Variants in OR8D1 observed in about 807,000 individuals in gnomAD.
OR8D1 encodes olfactory receptor 8D1.
For missense variants in OR8D1, 384 were observed against 366.8 expected (o/e 1.05, Z -0.38); for synonymous variants, 143 against 147.0 (o/e 0.97, Z 0.20).
Position 124,313,905 on chromosome 11 carries a change from A to G in OR8D1, c.-306T>C, listed in dbSNP as rs1420954153. The G allele has an allele frequency of 1.3e-5, 2 of 152,020 alleles. No individual in the cohort carries two copies. The highest frequency in any genetic ancestry group is 1.9e-4 in the East Asian group (1 of 5,182). 9.4% of individuals were successfully genotyped at this position (152,020 alleles called of 1,614,324 possible). On this transcript the variant is annotated 5_prime_UTR_variant, in exon 1 of 3. Coordinates refer to ENST00000641015, the MANE Select transcript of OR8D1 (RefSeq NM_001002917.2). ...CAAAATTTATTAAATAGTACAAACAACTCTTGGACCTTGAAGCAGATCATG... is the reference window on the plus strand; with the variant it reads ...CAAAATTTATTAAATAGTACAAACAGCTCTTGGACCTTGAAGCAGATCATG...
At position 124,309,653 on chromosome 11, in the gene OR8D1, T is replaced by A. The variant is rs538267116; in HGVS notation, c.*187A>T. The A allele has an allele frequency of 6.5e-5, 24 of 367,538 alleles. No individual in the cohort carries two copies. The highest frequency in any genetic ancestry group is 1.0e-4 in the Non-Finnish European group (21 of 207,430). The allele number at this position is 367,538 out of a possible 1,614,324, so 22.8% of individuals were successfully genotyped here. ...TAGTTTTCCTATCAAAAGATAAGAATGTTAATACCTGCTTTACACAATTCT... is the reference window on the plus strand; with the variant it reads ...TAGTTTTCCTATCAAAAGATAAGAAAGTTAATACCTGCTTTACACAATTCT... On this transcript the variant is annotated 3_prime_UTR_variant, in exon 3 of 3. Coordinates refer to ENST00000641015, the MANE Select transcript of OR8D1 (RefSeq NM_001002917.2).
rs534108015 is a variant in OR8D1 at position 124,309,156 on chromosome 11, G to A, written c.*684C>T. ...TAGATAGTGAAAACACATGGTCAGA[G>A]GTCCCTTAGTGTAGAACTGTGGTGT... On this transcript the variant is annotated 3_prime_UTR_variant, in exon 3 of 3. Transcript: ENST00000641015. 31 of 151,990 alleles carry A rather than the reference G, an allele frequency of 2.0e-4. No homozygotes were observed. The highest frequency in any genetic ancestry group is 7.2e-4 in the African/African-American group (30 of 41,492). 9.4% of individuals were successfully genotyped at this position (151,990 alleles called of 1,614,324 possible).
intron 2 of OR8D1, 109 bp from the exon 3 acceptor site, chr11:124,310,891 G>A (rs1363803103): frequency 1.5e-6 from 1 of 663,658 alleles, no homozygotes; most frequent in Non-Finnish European, 2.5e-6. Flanking sequence ...CTGAGTCATA[G>A]TTTTCATTGT....
Position 124,304,144 on chromosome 11 carries a change from C to A in OR8D1, c.*5696G>T, listed in dbSNP as rs974878458. 1 of 151,876 alleles carries A rather than the reference C, an allele frequency of 6.6e-6. No individual in the cohort carries two copies. 9.4% of individuals were successfully genotyped at this position (151,876 alleles called of 1,614,324 possible). On this transcript the variant is annotated 3_prime_UTR_variant, in exon 3 of 3. Coordinates refer to ENST00000641015, the MANE Select transcript of OR8D1 (RefSeq NM_001002917.2). Reference sequence around the variant, plus strand: ...AAAACATGTCAGTCTCTAATGTAGGCCATTGCTATCACCTGAGAAAGTTTT... The same window carrying A: ...AAAACATGTCAGTCTCTAATGTAGGACATTGCTATCACCTGAGAAAGTTTT...
chr11:124,313,128 C>G (rs76408377), intron 1 of OR8D1, among the ~76,000 whole-genome samples: 1 of 150,324 alleles, frequency 6.7e-6, no homozygotes, highest in Non-Finnish European at 1.5e-5. Flanking sequence ...GAGCCAAGAT[C>G]GTGACACTGC....
rs897772106 is a variant in OR8D1 at position 124,307,010 on chromosome 11, C to A, written c.*2830G>T. ...GGTTATCCTTGCCTATGAAATTCTA[C>A]CTCTACTAATAGAGACCTACAGGGA... On this transcript the variant is annotated 3_prime_UTR_variant, in exon 3 of 3. Coordinates refer to ENST00000641015, the MANE Select transcript of OR8D1 (RefSeq NM_001002917.2). The A allele has an allele frequency of 6.6e-6, 1 of 152,044 alleles. No individual in the cohort carries two copies. Among genetic ancestry groups the A allele is most frequent in the African/African-American group, 2.4e-5 (1 of 41,426 alleles). The allele number at this position is 152,044 out of a possible 1,614,324, so 9.4% of individuals were successfully genotyped here.
rs904946866 is a variant in OR8D1 at position 124,305,985 on chromosome 11, T to G, written c.*3855A>C. On this transcript the variant is annotated 3_prime_UTR_variant, in exon 3 of 3. Coordinates refer to ENST00000641015, the MANE Select transcript of OR8D1 (RefSeq NM_001002917.2). ...TGCCAGTACTATTTCACAAAATTAT[T>G]TTAATGATACCATATTTATTCTACT... 3.9e-5 allele frequency: 6 copies of G among 151,954 alleles called. No homozygotes were observed. The highest frequency in any genetic ancestry group is 8.8e-5 in the Non-Finnish European group (6 of 67,884). 9.4% of individuals were successfully genotyped at this position (151,954 alleles called of 1,614,324 possible).
Position 124,310,104 on chromosome 11 carries a change from G to T in OR8D1, c.663C>A (p.Ile221=), listed in dbSNP as rs1335727903. The change falls in exon 3 of 3, where the codon ATC becomes ATA. Residue 221 remains isoleucine (I), a synonymous_variant. Coordinates refer to ENST00000641015, the MANE Select transcript of OR8D1 (RefSeq NM_001002917.2). ...AGCGGATGTGAAGGATGCTGTAGAG[G>T]ATGAAGGCATAGGAGACAGCAACAG... ...TLAVAVSYAF[I]LYSILHIRSS... is the part of the protein sequence containing the mutation. 2 of 1,613,606 alleles carry T rather than the reference G, an allele frequency of 1.2e-6. No homozygotes were observed. Among genetic ancestry groups the T allele is most frequent in the African/African-American group, 2.7e-5 (2 of 74,920 alleles).
At position 124,310,916 on chromosome 11, in the gene OR8D1, C is replaced by T. The variant is rs1862416476; in HGVS notation, c.-16-134G>A. 24 of 601,378 alleles carry T rather than the reference C, an allele frequency of 4.0e-5. No homozygotes were observed. The South Asian group carries it at 5.7e-4, about 14-fold the overall frequency. The allele number at this position is 601,378 out of a possible 1,614,324, so 37.3% of individuals were successfully genotyped here. On this transcript the variant is annotated intron_variant, in intron 2 of 2. Transcript: ENST00000641015. ...GTTTTCATTGTCTCTAAACTTGATA[C>T]CTCTGCTTTGTCTCCCTAAAGTTCC...
rs143412660 is a variant in OR8D1 at position 124,310,081 on chromosome 11, C to G, written c.686G>C (p.Arg229Pro). The change falls in exon 3 of 3, where the codon CGC (arginine) becomes CCC (proline). Residue 229 changes from arginine (R) to proline (P), a missense_variant. Arg to Pro is a moderately radical substitution (Grantham distance 103, BLOSUM62 -2). Coordinates refer to ENST00000641015, the MANE Select transcript of OR8D1 (RefSeq NM_001002917.2). ...AFILYSILHI[R>P]SSEGRSKAFG... is the part of the protein sequence containing the mutation. ...AGCTTTGGACCGGCCCTCTGAGGAG[C>G]GGATGTGAAGGATGCTGTAGAGGAT... The G allele has an allele frequency of 6.2e-7, 1 of 1,613,258 alleles. No individual in the cohort carries two copies. Among genetic ancestry groups the G allele is most frequent in the Non-Finnish European group, 8.5e-7 (1 of 1,179,744 alleles).
At chr11:124,312,630 G>A (rs1014704237) in intron 1 of OR8D1, among the ~76,000 whole-genome samples, 1 of 149,312 alleles carries the variant, frequency 6.7e-6, no homozygotes, top group Non-Finnish European at 1.5e-5. Context: ...CAATTCTCCT[G>A]TCTAAGCCTC....
At chr11:124,313,053 A>C (rs1450340772) in intron 1 of OR8D1, among the ~76,000 whole-genome samples, 1 of 151,784 alleles carries the variant, frequency 6.6e-6, no homozygotes, top group Non-Finnish European at 1.5e-5. Context: ...AAGCATCTGT[A>C]ATCCTAGCTA....
In OR8D1 at chr11:124,309,157, G is replaced by A. The variant is rs1862393014; in HGVS notation, c.*683C>T. 1 of 151,872 alleles carries A rather than the reference G, an allele frequency of 6.6e-6. No homozygotes were observed. The highest frequency in any genetic ancestry group is 2.4e-5 in the African/African-American group (1 of 41,354). 9.4% of individuals were successfully genotyped at this position (151,872 alleles called of 1,614,324 possible). On this transcript the variant is annotated 3_prime_UTR_variant, in exon 3 of 3. Coordinates refer to ENST00000641015, the MANE Select transcript of OR8D1 (RefSeq NM_001002917.2). ...AGATAGTGAAAACACATGGTCAGAGGTCCCTTAGTGTAGAACTGTGGTGTT... is the reference window on the plus strand; with the variant it reads ...AGATAGTGAAAACACATGGTCAGAGATCCCTTAGTGTAGAACTGTGGTGTT...
intron 1 of OR8D1, among the ~76,000 whole-genome samples, chr11:124,313,116 A>G (rs915926769): frequency 1.3e-5 from 2 of 151,318 alleles, no homozygotes; most frequent in African/African-American, 4.9e-5. Flanking sequence ...AGAGGTTGCA[A>G]TGAGCCAAGA....
At position 124,309,208 on chromosome 11, in the gene OR8D1, A is replaced by C. The variant is rs1387647144; in HGVS notation, c.*632T>G. ...AAAGTAGATATACAAATACAAAAAA[A>C]ACAAAACCAGATCCATGAAGAACAA... On this transcript the variant is annotated 3_prime_UTR_variant, in exon 3 of 3. Coordinates refer to ENST00000641015, the MANE Select transcript of OR8D1 (RefSeq NM_001002917.2). 6.8e-6 allele frequency: 1 copy of C among 147,110 alleles called. No homozygotes were observed. The highest frequency in any genetic ancestry group is 6.9e-5 in the Admixed American group (1 of 14,442). 9.1% of individuals were successfully genotyped at this position (147,110 alleles called of 1,614,324 possible). A position where few individuals can be genotyped will look rare whatever the true frequency, so the allele number is the denominator to read the frequency against.
In OR8D1 at chr11:124,307,983, A is replaced by G. The variant is rs1862382138; in HGVS notation, c.*1857T>C. 1 of 152,160 alleles carries G rather than the reference A, an allele frequency of 6.6e-6. No individual in the cohort carries two copies. Among genetic ancestry groups the G allele is most frequent in the Admixed American group, 6.6e-5 (1 of 15,256 alleles). 9.4% of individuals were successfully genotyped at this position (152,160 alleles called of 1,614,324 possible). A position where few individuals can be genotyped will look rare whatever the true frequency, so the allele number is the denominator to read the frequency against. ...GGGGGAAGAGGGTCTTAGCATAAAA[A>G]TAATATTGCATCTAAATATACTGAG... On this transcript the variant is annotated 3_prime_UTR_variant, in exon 3 of 3. Transcript: ENST00000641015.
At position 124,309,752 on chromosome 11, in the gene OR8D1, C is replaced by A; in HGVS notation, c.*88G>T. The A allele has an allele frequency of 1.4e-6, 1 of 708,276 alleles. No individual in the cohort carries two copies. The highest frequency in any genetic ancestry group is 4.6e-5 in the South Asian group (1 of 21,548). The allele number at this position is 708,276 out of a possible 1,614,324, so 43.9% of individuals were successfully genotyped here. The stretch of plus-strand genomic sequence containing the variant: ...TAAAATCTAGATATTATGTATGTTA[C>A]AACAGAAGAACATGAAAATAGAAAA... On this transcript the variant is annotated 3_prime_UTR_variant, in exon 3 of 3. Coordinates refer to ENST00000641015, the MANE Select transcript of OR8D1 (RefSeq NM_001002917.2).
At chr11:124,310,840 A>G in intron 2 of OR8D1, 58 bp from the exon 3 acceptor site, 1 of 1,163,360 alleles carries the variant, frequency 8.6e-7, no homozygotes, top group Non-Finnish European at 1.2e-6. Flanking sequence ...TCTTCCAAAC[A>G]AAACCAAATT....
chr11:124,312,900 G>C (rs1016056079), intron 1 of OR8D1, among the ~76,000 whole-genome samples: 1 of 152,074 alleles, frequency 6.6e-6, no homozygotes, highest in South Asian at 2.1e-4. Context: ...TGAGCCAGGC[G>C]TGGTGCCTCA....
Sources: gnomAD v4.1 joint callset for allele counts (sites outside exome capture counted in the v4.1 genomes callset) on GRCh38, gnomAD v4.1.1 for gene constraint, MANE v1.5 for transcripts, NCBI Gene and HGNC (gene_info 2026-07-23, HGNC 2026-07-21) for gene names.